The following PCDHGA12 variants were observed in gnomAD, a reference collection of about 807,000 sequenced individuals.
The protein encoded by PCDHGA12 is protocadherin gamma-A12.
PCDHGA12 carries 43 observed loss-of-function variants against 61.1 expected under a neutral mutation model. That is an observed-to-expected ratio of 0.70 (90% CI 0.55 to 0.91). The LOEUF (loss-of-function observed/expected upper bound fraction) is 0.91, where lower values mean the gene tolerates loss of function less well. Among genes scored for constraint, PCDHGA12 ranks in the 40% least tolerant of loss-of-function variants. The pLI is 0.00. For synonymous variants in PCDHGA12, 520 were observed against 542.9 expected, an observed-to-expected ratio of 0.96 and a Z score of 0.59; for missense variants, 1,236 against 1,227.7, an observed-to-expected ratio of 1.01 and a Z score of -0.10.
intron 2 of PCDHGA12, among the ~76,000 whole-genome samples, chr5:141,495,968 CTGTTACTCTTTCTT>C (rs1033811907): frequency 6.6e-6 from 1 of 152,126 alleles, no homozygotes; most frequent in African/African-American, 2.4e-5. Context: ...GCCTCTTTCT[CTGTTACTCTTTCTT>C]TATCTCTCTT....
At chr5:141,483,333 C>G (rs566443186) in intron 1 of PCDHGA12, among the ~76,000 whole-genome samples, 1 of 152,096 alleles carries the variant, frequency 6.6e-6, no homozygotes, top group East Asian at 1.9e-4. Context: ...GCAAAGAGAT[C>G]TTATCTCTTT....
Position 141,486,178 on chromosome 5 carries a change from C to T in PCDHGA12, c.2425-8629C>T, listed in dbSNP as rs767840363. The T allele has an allele frequency of 1.1e-5, 17 of 1,614,076 alleles. No homozygotes were observed. The highest frequency in any genetic ancestry group is 1.4e-5 in the Non-Finnish European group (16 of 1,180,038). ...CTCCAGCCATGGAGCAACATTGCAG[C>T]CTTCGAGTGGATCTGCTGGACGTAA... On this transcript the variant is annotated intron_variant, in intron 1 of 3. Coordinates refer to ENST00000252085, the MANE Select transcript of PCDHGA12 (RefSeq NM_003735.3). The surrounding 1 kb of genome is among the most constrained non-coding windows in gnomAD (Gnocchi z 5.0).
rs1315225126 is a variant in PCDHGA12 at position 141,487,926 on chromosome 5, A to G, written c.2425-6881A>G. The G allele has an allele frequency of 2.2e-5, 14 of 626,676 alleles. No individual in the cohort carries two copies. Among genetic ancestry groups the G allele is most frequent in the Non-Finnish European group, 3.9e-5 (14 of 359,988 alleles). The allele number at this position is 626,676 out of a possible 1,614,324, so 38.8% of individuals were successfully genotyped here. ...GTGGGAGCACAGGAGGCTACAGTGC[A>G]CAGGGTACAGTGCACCAGGCAGTCA... On this transcript the variant is annotated intron_variant, in intron 1 of 3. Coordinates refer to ENST00000252085, the MANE Select transcript of PCDHGA12 (RefSeq NM_003735.3). The surrounding 1 kb of genome is among the most constrained non-coding windows in gnomAD (Gnocchi z 5.0).
chr5:141,500,461 G>A (rs1343646600), intron 2 of PCDHGA12, among the ~76,000 whole-genome samples: 1 of 151,910 alleles, frequency 6.6e-6, no homozygotes, highest in Non-Finnish European at 1.5e-5. Flanking sequence ...CGCCCGCCTC[G>A]GCCTCCCAAA....
chr5:141,440,959 G>A (rs1313315196), intron 1 of PCDHGA12: 1 of 152,216 alleles, frequency 6.6e-6, no homozygotes, highest in Non-Finnish European at 1.5e-5. Flanking sequence ...TCAAGGCAGA[G>A]ATCACATATG....
chr5:141,485,134 C>T lies in PCDHGA12; in HGVS notation c.2425-9673C>T. The T allele has an allele frequency of 6.7e-7, 1 of 1,495,958 alleles. No homozygotes were observed. The highest frequency in any genetic ancestry group is 1.4e-5 in the African/African-American group (1 of 72,714). 92.7% of individuals were successfully genotyped at this position (1,495,958 alleles called of 1,614,324 possible). On this transcript the variant is annotated intron_variant, in intron 1 of 3. Transcript: ENST00000252085. The surrounding 1 kb of genome is among the most constrained non-coding windows in gnomAD (Gnocchi z 5.7). Reference sequence around the variant, plus strand: ...CTGTTTGGGGCGGGTCGGCTTCATCCGCGTCTCAGGAGCAAGTAGAGAATT... The same window carrying T: ...CTGTTTGGGGCGGGTCGGCTTCATCTGCGTCTCAGGAGCAAGTAGAGAATT...
rs1453419469 is a variant in PCDHGA12, at chr5:141,505,501, G to A, written c.2572+20G>A. On this transcript the variant is annotated intron_variant, in intron 3 of 3. Transcript: ENST00000252085. ...CCAGTGGTAAGTGGTGTCAGTGTGT[G>A]TATGGAAGAGTGGGAGACCTGGGGT... The A allele has an allele frequency of 1.2e-6, 2 of 1,614,156 alleles. No homozygotes were observed. Among genetic ancestry groups the A allele is most frequent in the Non-Finnish European group, 1.7e-6 (2 of 1,179,970 alleles).
At chr5:141,501,755 G>C (rs2099810889) in intron 2 of PCDHGA12, among the ~76,000 whole-genome samples, 1 of 152,116 alleles carries the variant, frequency 6.6e-6, no homozygotes, top group Non-Finnish European at 1.5e-5. Context: ...GAAGCTCTCA[G>C]TAAATGGTTA....
intron 2 of PCDHGA12, among the ~76,000 whole-genome samples, chr5:141,496,410 A>G (rs77823969): frequency 0.019 from 2,839 of 152,308 alleles, 40 homozygotes; most frequent in Middle Eastern, 0.082. Context: ...ATGGTTGAGT[A>G]CTTGCTGTCC....
chr5:141,503,307 G>T (rs1042228003), intron 2 of PCDHGA12, among the ~76,000 whole-genome samples: 5 of 152,096 alleles, frequency 3.3e-5, no homozygotes, highest in African/African-American at 1.2e-4. Context: ...GCTCAAGAAA[G>T]AATTGTTGGA....
chr5:141,483,509 C>A (rs2099582178), intron 1 of PCDHGA12, among the ~76,000 whole-genome samples: 1 of 147,450 alleles, frequency 6.8e-6, no homozygotes, highest in African/African-American at 2.5e-5. Flanking sequence ...AGGCTGATCC[C>A]CCTAGATCCT....
intron 2 of PCDHGA12, among the ~76,000 whole-genome samples, chr5:141,495,994 T>C (rs2099765151): frequency 6.6e-6 from 1 of 152,146 alleles, no homozygotes; most frequent in Non-Finnish European, 1.5e-5. Flanking sequence ...ATCTCTCTTT[T>C]TCTTTTATCT....
rs145535410 is a variant in PCDHGA12, at chr5:141,430,926, C to A, written c.167C>A (p.Pro56His). Residue 56 changes from proline (P) to histidine (H), a missense_variant, in exon 1 of 4, where the codon CCC (proline) becomes CAC (histidine). By Grantham distance (77) the Pro-to-His change is moderately conservative (BLOSUM62 -2). Transcript: ENST00000252085. ...GDISRDLGLE[P>H]RELAERGVRI... ...ATCTCCAGGGACCTGGGGCTGGAGCCCCGGGAGCTCGCGGAGCGCGGAGTC... is the reference window on the plus strand; with the variant it reads ...ATCTCCAGGGACCTGGGGCTGGAGCACCGGGAGCTCGCGGAGCGCGGAGTC... 2.5e-6 allele frequency: 4 copies of A among 1,607,308 alleles called. No individual in the cohort carries two copies. Among genetic ancestry groups the A allele is most frequent in the African/African-American group, 1.3e-5 (1 of 74,572 alleles).
chr5:141,441,289 T>C (rs1350801949), intron 1 of PCDHGA12: 1 of 152,212 alleles, frequency 6.6e-6, no homozygotes, highest in Non-Finnish European at 1.5e-5. Flanking sequence ...CGAGGTCACA[T>C]GTCTGATATA....
chr5:141,495,000 G>A lies in PCDHGA12; in HGVS notation c.2483+135G>A, dbSNP rs191756104. ...AGTTTGAGATCCCAGGGAGGTCTTG[G>A]TGTGCGGGGGGCTGGCACACAGACC... On this transcript the variant is annotated intron_variant, in intron 2 of 3. Transcript: ENST00000252085. 1.3e-4 allele frequency: 202 copies of A among 1,531,656 alleles called. 2 individuals carry two copies. The African/African-American group carries it at 2.4e-3, about 19-fold the overall frequency. The allele number at this position is 1,531,656 out of a possible 1,614,324, so 94.9% of individuals were successfully genotyped here. A position where few individuals can be genotyped will look rare whatever the true frequency, so the allele number is the denominator to read the frequency against.
Position 141,485,626 on chromosome 5 carries a change from T to A in PCDHGA12, c.2425-9181T>A, listed in dbSNP as rs2099616815. 6.2e-7 allele frequency: 1 copy of A among 1,611,740 alleles called. No individual in the cohort carries two copies. On this transcript the variant is annotated intron_variant, in intron 1 of 3. Coordinates refer to ENST00000252085, the MANE Select transcript of PCDHGA12 (RefSeq NM_003735.3). This position sits in a 1 kb window ranked among gnomAD's most constrained non-coding sequence, Gnocchi z 5.7. Reference sequence around the variant, plus strand: ...GGGAGGCAGCTCCTCCAGGACAGCGTTTCCCGTTGGAAAAGGCTCAGGATG... The same window carrying A: ...GGGAGGCAGCTCCTCCAGGACAGCGATTCCCGTTGGAAAAGGCTCAGGATG...
At position 141,490,169 on chromosome 5, in the gene PCDHGA12, T is replaced by C; in HGVS notation, c.2425-4638T>C. ...ATCCATGTGTTGGGTCCCATAGACT[T>C]TGAGGAGTCACGTTTCTATGAAATT... On this transcript the variant is annotated intron_variant, in intron 1 of 3. Transcript: ENST00000252085. This position sits in a 1 kb window ranked among gnomAD's most constrained non-coding sequence, Gnocchi z 5.4. 6.2e-7 allele frequency: 1 copy of C among 1,614,190 alleles called. No individual in the cohort carries two copies. The highest frequency in any genetic ancestry group is 8.5e-7 in the Non-Finnish European group (1 of 1,180,018).
In PCDHGA12 at chr5:141,477,500, T is replaced by C. The variant is rs757547508; in HGVS notation, c.2425-17307T>C. The C allele has an allele frequency of 3.1e-6, 5 of 1,614,156 alleles. No homozygotes were observed. Among genetic ancestry groups the C allele is most frequent in the Non-Finnish European group, 4.2e-6 (5 of 1,180,026 alleles). ...CCCTCCACAATCTTCTCAATCTTCC[T>C]ACGACGTTTACATTGAAGAAAACAA... On this transcript the variant is annotated intron_variant, in intron 1 of 3. Coordinates refer to ENST00000252085, the MANE Select transcript of PCDHGA12 (RefSeq NM_003735.3). This position sits in a 1 kb window ranked among gnomAD's most constrained non-coding sequence, Gnocchi z 4.9.
rs1321974739 is a variant in PCDHGA12, at chr5:141,432,755, G to A, written c.1996G>A (p.Asp666Asn). The A allele has an allele frequency of 2.5e-6, 4 of 1,614,134 alleles. No individual in the cohort carries two copies. Among genetic ancestry groups the A allele is most frequent in the African/African-American group, 1.3e-5 (1 of 75,060 alleles). The change falls in exon 1 of 4, where the codon GAC becomes AAC. Residue 666 changes from aspartate to asparagine, a missense_variant. Physicochemically the swap from Asp to Asn is conservative, Grantham distance 23. Coordinates refer to ENST00000252085, the MANE Select transcript of PCDHGA12 (RefSeq NM_003735.3). This position sits in a 1 kb window ranked among gnomAD's most constrained non-coding sequence, Gnocchi z 6.0. ...ATVTLTVAVA[D>N]SIPQVLADLG... ...TGTCACGCTCACCGTGGCCGTGGCC[G>A]ACAGCATCCCCCAAGTCCTGGCGGA...
Sources: gnomAD v4.1 joint callset for allele counts (sites outside exome capture counted in the v4.1 genomes callset) on GRCh38, gnomAD v4.1.1 for gene constraint, Gnocchi (gnomAD v3.1) non-coding constraint, MANE v1.5 for transcripts, NCBI Gene and HGNC (gene_info 2026-07-23, HGNC 2026-07-21) for gene names.